Variants in ZNF83 observed in about 807,000 individuals in gnomAD.
ZNF83 encodes zinc finger protein 816B.
For missense variants in ZNF83, 552 were observed against 629.9 expected, an observed-to-expected ratio of 0.88 and a Z score of 1.32; for synonymous variants, 209 against 213.0, an observed-to-expected ratio of 0.98 and a Z score of 0.17.
chr19:52,685,391 A>C (rs1287980745), intron 1 of ZNF83, among the ~76,000 whole-genome samples: 1 of 151,844 alleles, frequency 6.6e-6, no homozygotes, highest in Non-Finnish European at 1.5e-5. Context: ...CTATCCTTGA[A>C]AATTACAGAA....
Position 52,690,198 on chromosome 19 carries a change from AC to A in ZNF83, c.-283+244del, listed in dbSNP as rs1312429110. On this transcript the variant is annotated intron_variant, in intron 1 of 5. Coordinates refer to the ZNF83 transcript ENST00000594682. ...TGATTTTGAGAAAAAAAAAAAAAAA[AC>A]AACAACAACTACGCGATAGGAAGTG... is the stretch of plus-strand genomic sequence containing the variant. Among the ~76,000 whole-genome samples, 497 of 142,278 alleles carry A rather than the reference AC, an allele frequency of 3.5e-3. 1 individual carries two copies. Among genetic ancestry groups the A allele is most frequent in the African/African-American group, 0.012 (429 of 36,666 alleles). 93.3% of individuals were successfully genotyped at this position (142,278 alleles called of 152,430 possible).
exon 3 of ZNF83, chr19:52,614,138 G>C: frequency 6.2e-7 from 1 of 1,614,110 alleles, no homozygotes; most frequent in South Asian, 1.1e-5. Context: ...TCTCCAGTAT[G>C]AATTCTTTGA....
intron 1 of ZNF83, chr19:52,635,938 G>A (rs2061130582): frequency 6.7e-6 from 1 of 149,696 alleles, no homozygotes; most frequent in Non-Finnish European, 1.5e-5. Flanking sequence ...ATTGTGGTGA[G>A]CCGAAATCAC....
intron 3 of ZNF83, chr19:52,650,967 A>G (rs2061434468): frequency 6.6e-6 from 1 of 152,242 alleles, no homozygotes; most frequent in Non-Finnish European, 1.5e-5. Context: ...AAACAGTGAA[A>G]AGAAACCAAT....
At chr19:52,613,294 G>A in exon 3 of ZNF83, 1 of 1,614,072 alleles carries the variant, frequency 6.2e-7, no homozygotes, top group Non-Finnish European at 8.5e-7. Flanking sequence ...TTTTTCTCCA[G>A]TATGAATTCT....
At chr19:52,659,966 G>A (rs1402560236) in intron 2 of ZNF83, among the ~76,000 whole-genome samples, 2 of 152,174 alleles carry the variant, frequency 1.3e-5, no homozygotes, top group Non-Finnish European at 2.9e-5. Flanking sequence ...GCTGAGGCGG[G>A]CAGATCATGA....
At chr19:52,683,917 AAC>A (rs2061970375) in intron 1 of ZNF83, among the ~76,000 whole-genome samples, 2 of 152,126 alleles carry the variant, frequency 1.3e-5, no homozygotes, top group African/African-American at 4.8e-5. Context: ...AGGGAGACAC[AAC>A]ACACAAAGTA....
intron 2 of ZNF83, among the ~76,000 whole-genome samples, chr19:52,633,011 G>A (rs568048803): frequency 4.2e-4 from 64 of 152,076 alleles, no homozygotes; most frequent in African/African-American, 1.3e-3. Flanking sequence ...CCACTATTTC[G>A]TTTTATTTTT....
At chr19:52,677,390 G>A (rs2061834393) in intron 1 of ZNF83, among the ~76,000 whole-genome samples, 1 of 151,840 alleles carries the variant, frequency 6.6e-6, no homozygotes, top group African/African-American at 2.4e-5. Context: ...GGAGGCTGAG[G>A]CAGGAGAATT....
At chr19:52,615,092 T>A (rs2060257822) in intron 2 of ZNF83, among the ~76,000 whole-genome samples, 1 of 152,152 alleles carries the variant, frequency 6.6e-6, no homozygotes, top group Non-Finnish European at 1.5e-5. Context: ...TGAGATTTTT[T>A]CCAACATGAA....
At chr19:52,652,045 G>T (rs547554806) in intron 3 of ZNF83, 36 of 234,986 alleles carry the variant, frequency 1.5e-4, no homozygotes, top group African/African-American at 8.3e-4. Flanking sequence ...GTTCTGCAAG[G>T]AGTGACCTCA....
intron 3 of ZNF83, among the ~76,000 whole-genome samples, chr19:52,647,247 C>T (rs1396228300): frequency 6.6e-6 from 1 of 152,068 alleles, no homozygotes; most frequent in Non-Finnish European, 1.5e-5. Context: ...ACCTCTGATG[C>T]CAAGATTTAT....
At chr19:52,620,268 C>CTGTGTGTGTGTGTGTGTG (rs1346555908) in intron 2 of ZNF83, among the ~76,000 whole-genome samples, 1 of 121,246 alleles carries the variant, frequency 8.2e-6, no homozygotes, top group African/African-American at 3.2e-5. Flanking sequence ...GTGTGTATAT[C>CTGTGTGTGTGTGTGTGTG]TCTGTGTGTG....
intron 2 of ZNF83, among the ~76,000 whole-genome samples, chr19:52,631,578 T>G (rs2060962101): frequency 6.6e-6 from 1 of 152,234 alleles, no homozygotes; most frequent in African/African-American, 2.4e-5. Context: ...GCACTCACTC[T>G]TTGTTAAGTC....
Position 52,687,404 on chromosome 19 carries a change from C to A in ZNF83, c.-283+3039G>T, listed in dbSNP as rs190973391. On this transcript the variant is annotated intron_variant, in intron 1 of 5. Transcript: ENST00000594682. Reference sequence around the variant, plus strand: ...ATTTATATATATATAATTTATATAGCTATATAAATTATAATATAAATTATA... The same window carrying A: ...ATTTATATATATATAATTTATATAGATATATAAATTATAATATAAATTATA... 7.2e-4 allele frequency among the ~76,000 whole-genome samples: 30 copies of A among 41,386 alleles called. 4 individuals carry two copies. Among genetic ancestry groups the A allele is most frequent in the East Asian group, 1.5e-3 (3 of 2,010 alleles). The allele number at this position is 41,386 out of a possible 152,430, so 27.2% of individuals were successfully genotyped here.
intron 1 of ZNF83, among the ~76,000 whole-genome samples, chr19:52,661,311 G>A (rs547146754): frequency 2.6e-5 from 4 of 152,266 alleles, no homozygotes; most frequent in East Asian, 1.9e-4. Flanking sequence ...ACCTACAAGG[G>A]TAATTTTGAC....
intron 2 of ZNF83, chr19:52,619,130 G>A: frequency 6.2e-7 from 1 of 1,612,186 alleles, no homozygotes. Flanking sequence ...AAAATGAGGA[G>A]AGCGGTGACA....
intron 1 of ZNF83, among the ~76,000 whole-genome samples, chr19:52,676,612 C>G (rs866777467): frequency 0.014 from 2,147 of 150,532 alleles, 35 homozygotes; most frequent in African/African-American, 0.046. Context: ...GGCCACCACC[C>G]CGTCTGGGAG....
At chr19:52,644,303 G>A (rs370213851) in intron 3 of ZNF83, among the ~76,000 whole-genome samples, 5 of 152,108 alleles carry the variant, frequency 3.3e-5, no homozygotes, top group East Asian at 1.9e-4. Context: ...AATCATTTCA[G>A]GGGCCAGGGT....
Sources: gnomAD v4.1 joint callset for allele counts (sites outside exome capture counted in the v4.1 genomes callset) on GRCh38, gnomAD v4.1.1 for gene constraint, MANE v1.5 for transcripts, NCBI Gene and HGNC (gene_info 2026-07-23, HGNC 2026-07-21) for gene names.